CLASP1: variants seen among roughly 807,000 people sequenced by gnomAD.
The protein encoded by CLASP1 is cytoplasmic linker associated protein 1.
In CLASP1, 38 loss-of-function variants were observed where a neutral mutation model predicts 192.3. The observed-to-expected ratio is 0.20, with a 90% CI of 0.15 to 0.26. The LOEUF is 0.26. CLASP1 is among the 10% of genes least tolerant of loss of function. The pLI, the probability that CLASP1 is intolerant of heterozygous loss-of-function variation, is 1.00. For missense variants in CLASP1, 1,433 were observed against 1,932.5 expected (o/e 0.74, Z 4.85); for synonymous variants, 691 against 712.8 (o/e 0.97, Z 0.49).
intron 1 of CLASP1, among the ~76,000 whole-genome samples, chr2:121,610,612 GA>G (rs2065188014): frequency 7.0e-6 from 1 of 142,848 alleles, no homozygotes; most frequent in Non-Finnish European, 1.5e-5. Context: ...GTTGCAGGAG[GA>G]AGAGGAACTG....
chr2:121,411,209 T>C (rs1007383302), intron 23 of CLASP1, among the ~76,000 whole-genome samples: 3 of 152,200 alleles, frequency 2.0e-5, no homozygotes, highest in Non-Finnish European at 4.4e-5. Flanking sequence ...TATTGAAAAG[T>C]TTCTGATATG....
intron 28 of CLASP1, among the ~76,000 whole-genome samples, chr2:121,400,514 C>T (rs1311219131): frequency 6.6e-6 from 1 of 152,200 alleles, no homozygotes; most frequent in East Asian, 1.9e-4. Flanking sequence ...CCAGTGCTAT[C>T]CATACCACCC....
intron 2 of CLASP1, among the ~76,000 whole-genome samples, chr2:121,532,099 A>G (rs1268349993): frequency 6.6e-6 from 1 of 152,182 alleles, no homozygotes; most frequent in Non-Finnish European, 1.5e-5. Flanking sequence ...GCGGCTGATA[A>G]AAGCAAAAAC....
At chr2:121,635,044 G>C (rs1405722775) in intron 1 of CLASP1, among the ~76,000 whole-genome samples, 3 of 151,796 alleles carry the variant, frequency 2.0e-5, no homozygotes, top group South Asian at 2.1e-4. Context: ...TGTTAAATCA[G>C]TCTCTTAGAG....
chr2:121,527,779 C>G lies in CLASP1; in HGVS notation c.470+20G>C. 1 of 1,558,346 alleles carries G rather than the reference C, an allele frequency of 6.4e-7. No homozygotes were observed. The highest frequency in any genetic ancestry group is 8.8e-7 in the Non-Finnish European group (1 of 1,140,106). On this transcript the variant is annotated intron_variant, in intron 5 of 39. Transcript: ENST00000263710. ...AAAAAATTCAGCCACGTAAAAATGT[C>G]AGGCTCATCCCAGACTTACGCATTG...
At chr2:121,645,895 G>T (rs559710362) in intron 1 of CLASP1, among the ~76,000 whole-genome samples, 2 of 152,226 alleles carry the variant, frequency 1.3e-5, no homozygotes, top group South Asian at 2.1e-4. Flanking sequence ...AAAAGCCCTG[G>T]GGAGGTGAAG....
chr2:121,362,296 G>A (rs555669384), intron 37 of CLASP1, among the ~76,000 whole-genome samples: 97 of 152,328 alleles, frequency 6.4e-4, no homozygotes, highest in South Asian at 1.7e-3. Flanking sequence ...GACAGCTCCT[G>A]CCACCTCCCC....
intron 36 of CLASP1, 158 bp downstream of exon 37, chr2:121,364,936 C>A: frequency 1.4e-6 from 1 of 737,028 alleles, no homozygotes; most frequent in Non-Finnish European, 2.3e-6. Context: ...CCTTACTAAA[C>A]GTGCTCAGAA....
intron 8 of CLASP1, among the ~76,000 whole-genome samples, chr2:121,500,382 AAGAAAGAAAG>A (rs1159159105): frequency 6.7e-6 from 1 of 150,014 alleles, no homozygotes; most frequent in Non-Finnish European, 1.5e-5. Flanking sequence ...GAAAGAAAGA[AAGAAAGAAAG>A]AAAGAAAAGA....
intron 2 of CLASP1, among the ~76,000 whole-genome samples, chr2:121,544,065 T>C (rs1264853140): frequency 6.6e-6 from 1 of 152,226 alleles, no homozygotes; most frequent in Non-Finnish European, 1.5e-5. Flanking sequence ...CACTAATCCA[T>C]TAGTCTTACA....
chr2:121,449,912 T>C (rs2085097713), intron 16 of CLASP1, among the ~76,000 whole-genome samples: 1 of 151,508 alleles, frequency 6.6e-6, no homozygotes, highest in Non-Finnish European at 1.5e-5. Flanking sequence ...ATTAGGAGAG[T>C]TGGTCAACTA....
At chr2:121,433,532 A>C (rs930697198) in intron 19 of CLASP1, among the ~76,000 whole-genome samples, 1 of 152,156 alleles carries the variant, frequency 6.6e-6, no homozygotes, top group African/African-American at 2.4e-5. Context: ...AGGTGGGAGG[A>C]TCTCTTGAGG....
chr2:121,617,279 C>G lies in CLASP1; in HGVS notation c.-285-11099G>C, dbSNP rs183336449. Among the ~76,000 whole-genome samples, 281 of 152,290 alleles carry G rather than the reference C, an allele frequency of 1.8e-3. 3 individuals carry two copies. Among genetic ancestry groups the G allele is most frequent in the African/African-American group, 6.3e-3 (261 of 41,538 alleles). ...ACTCCTCCTTTCTGCCTCCTCAGAC[C>G]TATAACCTTCCAGTTGTCTGCTCCC... is the stretch of plus-strand genomic sequence containing the variant. On this transcript the variant is annotated intron_variant, in intron 1 of 39. Coordinates refer to ENST00000263710, the Ensembl canonical transcript of CLASP1.
chr2:121,495,306 G>A (rs1222603981), intron 8 of CLASP1, among the ~76,000 whole-genome samples: 2 of 130,730 alleles, frequency 1.5e-5, no homozygotes, highest in Non-Finnish European at 3.1e-5. Context: ...CTGGGCGACA[G>A]AGCTGGACTC....
At chr2:121,612,670 A>G (rs2065812865) in intron 1 of CLASP1, among the ~76,000 whole-genome samples, 1 of 152,196 alleles carries the variant, frequency 6.6e-6, no homozygotes, top group South Asian at 2.1e-4. Context: ...AAGTAGAATA[A>G]GGAAACCTAG....
chr2:121,407,718 G>C lies in CLASP1; in HGVS notation c.2425-3C>G. 2 of 1,613,842 alleles carry C rather than the reference G, an allele frequency of 1.2e-6. No individual in the cohort carries two copies. The highest frequency in any genetic ancestry group is 1.7e-6 in the Non-Finnish European group (2 of 1,179,822). On this transcript the variant is annotated splice_polypyrimidine_tract_variant and splice_region_variant and intron_variant, in intron 24 of 39. Transcript: ENST00000263710. ...TATCTCCTCCTCACAGGCTTCTTCT[G>C]ACAGGTCCAATGAGGGATGGGAGTG...
intron 8 of CLASP1, among the ~76,000 whole-genome samples, chr2:121,481,212 G>A (rs1375820346): frequency 3.3e-5 from 5 of 152,172 alleles, no homozygotes; most frequent in South Asian, 2.1e-4. Context: ...TATGCTTTGC[G>A]TGCAAAAAAC....
At chr2:121,585,669 G>C (rs541223723) in intron 2 of CLASP1, among the ~76,000 whole-genome samples, 1 of 152,298 alleles carries the variant, frequency 6.6e-6, no homozygotes, top group Non-Finnish European at 1.5e-5. Context: ...GGAGGCCGAA[G>C]CGGGCAGATC....
intron 39 of CLASP1, among the ~76,000 whole-genome samples, chr2:121,341,182 T>C (rs1038726476): frequency 5.3e-5 from 8 of 152,170 alleles, no homozygotes; most frequent in Middle Eastern, 6.8e-3. Flanking sequence ...GGAAAAGCCG[T>C]GGGCAATTAC....
Sources: gnomAD v4.1 joint callset for allele counts (sites outside exome capture counted in the v4.1 genomes callset) on GRCh38, gnomAD v4.1.1 for gene constraint, MANE v1.5 for transcripts, NCBI Gene and HGNC (gene_info 2026-07-23, HGNC 2026-07-21) for gene names.